OPRM1: variants seen among roughly 807,000 people sequenced by gnomAD.
The protein encoded by OPRM1 is mu-type opioid receptor.
OPRM1 carries 27 observed loss-of-function variants against 31.8 expected under a neutral mutation model. The ratio of observed to expected loss-of-function variants is 0.85; its 90% CI spans 0.63 to 1.17. The LOEUF (loss-of-function observed/expected upper bound fraction) is 1.17. Ranked by LOEUF, OPRM1 falls within the 50% of genes most tolerant of loss-of-function variation. The probability of loss-of-function intolerance (pLI) is 0.00; values close to 1 mark genes in which losing one functional copy is unlikely to be tolerated. For missense variants in OPRM1, 536 were observed against 511.1 expected (o/e 1.05, Z -0.47); for synonymous variants, 196 against 189.9 (o/e 1.03, Z -0.26).
At chr6:154,193,629 C>G (rs1415625836) in intron 3 of OPRM1, among the ~76,000 whole-genome samples, 1 of 152,174 alleles carries the variant, frequency 6.6e-6, no homozygotes, top group East Asian at 1.9e-4. Flanking sequence ...TAATCAACAA[C>G]AAGAAGTTAT....
intron 3 of OPRM1, among the ~76,000 whole-genome samples, chr6:154,240,355 A>G (rs1780481713): frequency 6.6e-6 from 1 of 152,226 alleles, no homozygotes; most frequent in Non-Finnish European, 1.5e-5. Flanking sequence ...ATAATAAGCT[A>G]TGACTAATGT....
intron 1 of OPRM1, among the ~76,000 whole-genome samples, chr6:154,085,888 C>CTTATTTTTTTTTT (rs1790423785): frequency 8.1e-6 from 1 of 123,974 alleles, no homozygotes; most frequent in Non-Finnish European, 1.6e-5. Flanking sequence ...AAAGCTTGCC[C>CTTATTTTTTTTTT]TTTTTTTTTT....
intron 3 of OPRM1, among the ~76,000 whole-genome samples, chr6:154,109,792 C>CTCTCTGTGTGTGTGTGTGTG (rs1358444421): frequency 9.9e-6 from 1 of 101,282 alleles, no homozygotes; most frequent in African/African-American, 3.8e-5. Flanking sequence ...CTCTCTCTCT[C>CTCTCTGTGTGTGTGTGTGTG]TGTGTGTGTG....
chr6:154,091,568 G>A, intron 3 of OPRM1, 96 bp downstream of exon 3: 1 of 1,467,378 alleles, frequency 6.8e-7, no homozygotes, highest in Non-Finnish European at 8.9e-7. Flanking sequence ...TATAGAGGAT[G>A]AGAATGGAGG....
chr6:154,230,706 A>G (rs1562555661), intron 3 of OPRM1, among the ~76,000 whole-genome samples: 2 of 152,338 alleles, frequency 1.3e-5, no homozygotes, highest in East Asian at 3.9e-4. Context: ...CTCTATTTTC[A>G]ATGAAACCAT....
rs202213165 is a variant in OPRM1, at chr6:154,091,213, T to C, written c.905T>C (p.Val302Ala). ...TGCTGGACTCCCATTCACATTTACG[T>C]CATCATTAAAGCCTTGGTTACAATC... ...IVCWTPIHIYVIIKALVTIPE... is the reference protein window; with the variant it reads ...IVCWTPIHIYAIIKALVTIPE... Residue 302 changes from valine (V) to alanine (A), a missense_variant, in exon 3 of 4, where the codon GTC becomes GCC. Coordinates refer to ENST00000330432, the MANE Select transcript of OPRM1 (RefSeq NM_000914.5). The C allele has an allele frequency of 6.2e-7, 1 of 1,614,190 alleles. No individual in the cohort carries two copies.
intron 3 of OPRM1, among the ~76,000 whole-genome samples, chr6:154,177,877 T>G (rs1800478159): frequency 6.6e-6 from 1 of 152,158 alleles, no homozygotes; most frequent in Non-Finnish European, 1.5e-5. Flanking sequence ...TAGCAAAGAC[T>G]TGTAACCAAC....
At chr6:154,091,627 A>G (rs1214022938) in intron 3 of OPRM1, 155 bp downstream of exon 3, 2 of 1,427,076 alleles carry the variant, frequency 1.4e-6, no homozygotes, top group Non-Finnish European at 1.8e-6. Context: ...GAGGTTTGTT[A>G]TATAAACTGT....
At chr6:154,107,432 C>G in intron 3 of OPRM1, 3 of 718,214 alleles carry the variant, frequency 4.2e-6, no homozygotes, top group Middle Eastern at 2.3e-4. Flanking sequence ...CGTCTTCACT[C>G]AGATATTAAA....
intron 3 of OPRM1, among the ~76,000 whole-genome samples, chr6:154,206,168 C>T (rs1408114075): frequency 1.3e-5 from 2 of 152,148 alleles, no homozygotes; most frequent in African/African-American, 4.8e-5. Flanking sequence ...AGTGATATCC[C>T]ATAAAGAATA....
chr6:154,150,153 G>A (rs1316373083), intron 3 of OPRM1, among the ~76,000 whole-genome samples: 2 of 152,174 alleles, frequency 1.3e-5, no homozygotes, highest in Non-Finnish European at 2.9e-5. Context: ...CATTAAATTT[G>A]GGACACCATT....
At chr6:154,235,424 C>T (rs1328580924) in intron 3 of OPRM1, among the ~76,000 whole-genome samples, 10 of 150,314 alleles carry the variant, frequency 6.7e-5, no homozygotes, top group African/African-American at 2.5e-4. Context: ...CCCAGCTACT[C>T]GAGAGGCTGA....
chr6:154,144,748 C>CA (rs58367883), intron 3 of OPRM1, among the ~76,000 whole-genome samples: 2,850 of 70,050 alleles, frequency 0.041, 137 homozygotes, highest in African/African-American at 0.089. Context: ...GACTCTGTCT[C>CA]AAAAAAAAAA....
At chr6:154,026,509 C>T (rs1430132199) in intron 1 of OPRM1, among the ~76,000 whole-genome samples, 1 of 152,004 alleles carries the variant, frequency 6.6e-6, no homozygotes, top group African/African-American at 2.4e-5. Flanking sequence ...TGTCATTATC[C>T]CTTTGAATAA....
At chr6:154,163,341 C>T (rs908924866) in intron 3 of OPRM1, among the ~76,000 whole-genome samples, 8 of 152,190 alleles carry the variant, frequency 5.3e-5, no homozygotes, top group East Asian at 1.9e-4. Flanking sequence ...CTGAAATATT[C>T]GGCCTCAGAG....
intron 3 of OPRM1, among the ~76,000 whole-genome samples, chr6:154,103,309 A>G (rs528373074): frequency 4.6e-5 from 7 of 152,352 alleles, no homozygotes; most frequent in African/African-American, 1.7e-4. Flanking sequence ...TGTTTTTAGA[A>G]CCTGGATTAA....
chr6:154,107,630 T>C (rs890253900), intron 3 of OPRM1: 3 of 718,422 alleles, frequency 4.2e-6, no homozygotes, highest in African/African-American at 3.5e-5. Flanking sequence ...GACTATGACA[T>C]GAACCCTAAA....
At chr6:154,116,584 C>CAAAAAAA (rs1293710740) in intron 3 of OPRM1, among the ~76,000 whole-genome samples, 1 of 72,934 alleles carries the variant, frequency 1.4e-5, no homozygotes, top group Admixed American at 1.6e-4. Context: ...GACTCTGCCT[C>CAAAAAAA]AAAAAAAAAA....
At chr6:154,181,937 G>A (rs577569439) in intron 3 of OPRM1, among the ~76,000 whole-genome samples, 1 of 152,310 alleles carries the variant, frequency 6.6e-6, no homozygotes, top group South Asian at 2.1e-4. Context: ...CTTAGAAGAT[G>A]AGAACGTCAA....
Sources: gnomAD v4.1 joint callset for allele counts (sites outside exome capture counted in the v4.1 genomes callset) on GRCh38, gnomAD v4.1.1 for gene constraint, MANE v1.5 for transcripts, NCBI Gene and HGNC (gene_info 2026-07-23, HGNC 2026-07-21) for gene names.